Variants in FGGY observed in about 807,000 individuals in gnomAD.
FGGY encodes FGGY carbohydrate kinase domain containing.
Under a neutral mutation model 71.3 loss-of-function variants are expected in FGGY, and 72 were observed. The ratio of observed to expected loss-of-function variants is 1.01; its 90% confidence interval spans 0.84 to 1.23. The LOEUF (loss-of-function observed/expected upper bound fraction) is 1.23. FGGY is among the 50% of genes most tolerant of loss of function. FGGY has a pLI of 0.00. For missense variants in FGGY, 668 were observed against 682.3 expected (o/e 0.98, Z 0.23); for synonymous variants, 251 against 250.3 (o/e 1.00, Z -0.02).
At chr1:59,445,348 C>T (rs1475259794) in intron 5 of FGGY, among the ~76,000 whole-genome samples, 1 of 152,186 alleles carries the variant, frequency 6.6e-6, no homozygotes, top group Non-Finnish European at 1.5e-5. Flanking sequence ...CCTCTGCTTC[C>T]ACTTCTGCTG....
chr1:59,680,261 T>C (rs1319265020), intron 14 of FGGY, among the ~76,000 whole-genome samples: 1 of 152,112 alleles, frequency 6.6e-6, no homozygotes, highest in Non-Finnish European at 1.5e-5. Context: ...TGATTCCTAA[T>C]TAAATAGATT....
At chr1:59,658,963 T>C (rs541140827) in intron 11 of FGGY, among the ~76,000 whole-genome samples, 20 of 152,328 alleles carry the variant, frequency 1.3e-4, no homozygotes, top group African/African-American at 4.8e-4. Flanking sequence ...GGTTCACAAC[T>C]GTAATCCCAG....
At chr1:59,344,267 C>T (rs2051314316) in intron 3 of FGGY, among the ~76,000 whole-genome samples, 2 of 151,322 alleles carry the variant, frequency 1.3e-5, no homozygotes, top group South Asian at 2.1e-4. Flanking sequence ...ATGCCCATGA[C>T]CTTATTTAGG....
chr1:59,582,248 C>CA (rs933136735), intron 8 of FGGY, among the ~76,000 whole-genome samples: 4 of 149,718 alleles, frequency 2.7e-5, no homozygotes, highest in South Asian at 2.1e-4. Context: ...GAACTTGTCT[C>CA]AAAAAAACCC....
At chr1:59,564,787 A>G (rs963975998) in intron 8 of FGGY, among the ~76,000 whole-genome samples, 2 of 152,204 alleles carry the variant, frequency 1.3e-5, no homozygotes, top group African/African-American at 2.4e-5. Context: ...CCAGGCAGGG[A>G]TATCTGGCCC....
intron 11 of FGGY, chr1:59,641,210 A>G (rs2153896409): frequency 1.6e-6 from 2 of 1,246,478 alleles, no homozygotes; most frequent in Non-Finnish European, 2.3e-6. Context: ...ATCATTGTCT[A>G]ACCAATGATA....
intron 5 of FGGY, among the ~76,000 whole-genome samples, chr1:59,452,558 C>A (rs565836759): frequency 3.5e-4 from 54 of 152,294 alleles, no homozygotes; most frequent in African/African-American, 1.2e-3. Context: ...TCTATGTGGT[C>A]TCTCAGGTGA....
At chr1:59,611,232 C>A (rs1315082549) in intron 9 of FGGY, among the ~76,000 whole-genome samples, 1 of 152,170 alleles carries the variant, frequency 6.6e-6, no homozygotes. Flanking sequence ...GGACCCTGAC[C>A]CCCTCAGTAG....
chr1:59,627,725 G>C (rs991703293), intron 10 of FGGY, among the ~76,000 whole-genome samples: 3 of 151,682 alleles, frequency 2.0e-5, no homozygotes, highest in Admixed American at 2.0e-4. Context: ...CTGAGTCTAC[G>C]CTGCGGCAGT....
At chr1:59,673,940 G>A (rs974093738) in intron 13 of FGGY, 99 bp from the exon 14 acceptor site, 3 of 913,774 alleles carry the variant, frequency 3.3e-6, no homozygotes, top group Non-Finnish European at 5.3e-6. Context: ...GCCTGCTGCT[G>A]CCCTGATGTC....
chr1:59,444,309 T>C (rs550042546), intron 5 of FGGY, among the ~76,000 whole-genome samples: 1 of 152,300 alleles, frequency 6.6e-6, no homozygotes, highest in South Asian at 2.1e-4. Context: ...TAATTGTACA[T>C]ATTCATGGGG....
intron 5 of FGGY, among the ~76,000 whole-genome samples, chr1:59,423,418 T>G (rs142552964): frequency 6.6e-6 from 1 of 152,278 alleles, no homozygotes; most frequent in Non-Finnish European, 1.5e-5. Context: ...TCTGATACCG[T>G]GAAGATCAAT....
intron 6 of FGGY, among the ~76,000 whole-genome samples, chr1:59,466,779 A>T (rs1343157771): frequency 3.3e-5 from 5 of 152,234 alleles, no homozygotes; most frequent in Non-Finnish European, 5.9e-5. Context: ...TGGTCATTAG[A>T]TAAATGCAAA....
At chr1:59,330,438 G>A (rs2048242207) in intron 2 of FGGY, among the ~76,000 whole-genome samples, 1 of 151,966 alleles carries the variant, frequency 6.6e-6, no homozygotes, top group Non-Finnish European at 1.5e-5. Context: ...GCGTGGTGGT[G>A]TGCGCCTGTA....
At chr1:59,480,820 C>A (rs970196869) in intron 6 of FGGY, among the ~76,000 whole-genome samples, 1 of 152,000 alleles carries the variant, frequency 6.6e-6, no homozygotes, top group African/African-American at 2.4e-5. Context: ...AGGCAGGGAT[C>A]AAAAAATCAT....
intron 3 of FGGY, among the ~76,000 whole-genome samples, chr1:59,345,597 C>A (rs2051685803): frequency 6.6e-6 from 1 of 152,092 alleles, no homozygotes; most frequent in African/African-American, 2.4e-5. Context: ...TAAAAACTTC[C>A]TGAATTATAC....
At chr1:59,560,672 C>CA (rs369040812) in intron 8 of FGGY, among the ~76,000 whole-genome samples, 193 of 151,808 alleles carry the variant, frequency 1.3e-3, no homozygotes, top group African/African-American at 4.5e-3. Context: ...TAAAAGTCTT[C>CA]ATAAGATAAA....
At chr1:59,486,784 T>C (rs1328045214) in intron 6 of FGGY, among the ~76,000 whole-genome samples, 2 of 152,168 alleles carry the variant, frequency 1.3e-5, no homozygotes, top group Non-Finnish European at 2.9e-5. Flanking sequence ...AAATGGAGGA[T>C]ATGGTTCCAA....
chr1:59,675,241 A>G lies in FGGY; in HGVS notation c.1512+1108A>G, dbSNP rs146601156. Among the ~76,000 whole-genome samples the G allele has an allele frequency of 1.7e-3, 264 of 152,310 alleles. 5 individuals carry two copies. In the East Asian group the frequency reaches 0.026, roughly 15 times the overall value. Reference sequence around the variant, plus strand: ...GGTCTCAAGCTTAGGACTACAAGCCAGGTATCTAGTAGCTCAGTAATTAGA... The same window carrying G: ...GGTCTCAAGCTTAGGACTACAAGCCGGGTATCTAGTAGCTCAGTAATTAGA... On this transcript the variant is annotated intron_variant, in intron 14 of 15. Coordinates refer to ENST00000303721, the MANE Select transcript of FGGY (RefSeq NM_018291.5).
Sources: allele counts gnomAD v4.1 joint callset (sites outside exome capture counted in the v4.1 genomes callset), GRCh38; gene constraint gnomAD v4.1.1; transcripts MANE v1.5; gene names NCBI Gene and HGNC (gene_info 2026-07-23, HGNC 2026-07-21).